SEC14L1: variants seen among roughly 807,000 people sequenced by gnomAD.
The protein encoded by SEC14L1 is SEC14-like protein 1.
In SEC14L1, 48 loss-of-function variants were observed where a neutral mutation model predicts 85.3. The observed-to-expected ratio is 0.56, with a 90% CI of 0.45 to 0.72. SEC14L1 has a LOEUF of 0.72. SEC14L1 is among the 30% of genes least tolerant of loss of function. SEC14L1 has a pLI of 0.00. For synonymous variants in SEC14L1, 391 were observed against 355.5 expected, an observed-to-expected ratio of 1.10 and a Z score of -1.12; for missense variants, 682 against 921.4, an observed-to-expected ratio of 0.74 and a Z score of 3.36.
intron 3 of SEC14L1, among the ~76,000 whole-genome samples, chr17:77,112,844 A>G (rs1437580025): frequency 6.6e-6 from 1 of 151,210 alleles, no homozygotes; most frequent in Non-Finnish European, 1.5e-5. Context: ...ACTGCATTCC[A>G]GCCTGGGCGA....
At chr17:77,188,238 C>T (rs926163819) in intron 3 of SEC14L1, among the ~76,000 whole-genome samples, 13 of 152,208 alleles carry the variant, frequency 8.5e-5, no homozygotes, top group Non-Finnish European at 1.8e-4. Flanking sequence ...ATAGTCGAGA[C>T]GCAGAGTGCT....
At chr17:77,090,145 A>G (rs1477299297) in intron 2 of SEC14L1, 1 of 152,096 alleles carries the variant, frequency 6.6e-6, no homozygotes. Context: ...CCTGGCCAAC[A>G]TGAAATTAGC....
Position 77,165,621 on chromosome 17 carries a change from T to A in SEC14L1, c.63+21962T>A, listed in dbSNP as rs142550365. On this transcript the variant is annotated intron_variant, in intron 3 of 16. Transcript: ENST00000436233. Reference sequence around the variant, plus strand: ...ATTGATTTTCCTTTCACAATTTATATGATAAGGGGAGTGTTTTATTCCCAG... The same window carrying A: ...ATTGATTTTCCTTTCACAATTTATAAGATAAGGGGAGTGTTTTATTCCCAG... Among the ~76,000 whole-genome samples, 331 of 152,280 alleles carry A rather than the reference T, an allele frequency of 2.2e-3. 1 individual carries two copies. The highest frequency in any genetic ancestry group is 7.7e-3 in the African/African-American group (319 of 41,562).
chr17:77,169,452 C>A lies in SEC14L1; in HGVS notation c.64-21351C>A, dbSNP rs78091236. ...TATGCCCGGTCAGTCAGAAGACCAT[C>A]CAAGTGGGAAGGGGACTATCTGGGC... On this transcript the variant is annotated intron_variant, in intron 3 of 16. Transcript: ENST00000436233. 3.5e-3 allele frequency among the ~76,000 whole-genome samples: 527 copies of A among 152,282 alleles called. 1 individual carries two copies. Among genetic ancestry groups the A allele is most frequent in the African/African-American group, 0.012 (491 of 41,548 alleles).
chr17:77,121,108 G>A (rs1161906315), intron 3 of SEC14L1, among the ~76,000 whole-genome samples: 1 of 152,166 alleles, frequency 6.6e-6, no homozygotes, highest in Non-Finnish European at 1.5e-5. Flanking sequence ...AGCCTGCCTA[G>A]TGCCTGTATT....
In SEC14L1 at chr17:77,196,215, C is replaced by T. The variant is rs369467329; in HGVS notation, c.723C>T (p.Ala241=). The T allele has an allele frequency of 1.9e-5, 31 of 1,613,400 alleles. No homozygotes were observed. Among genetic ancestry groups the T allele is most frequent in the South Asian group, 7.7e-5 (7 of 91,066 alleles). The change falls in exon 8 of 17, where the codon GCC becomes GCT. Residue 241 remains alanine, a synonymous_variant. Transcript: ENST00000436233. The stretch of plus-strand genomic sequence containing the variant: ...CTTACATTCCAGACAAACTAGATGC[C>T]GACTACATCAAGAGATACCTGGGCG... The part of the protein sequence containing the change: ...VVGTPDDKLD[A]DYIKRYLGDL...
At chr17:77,096,997 A>G (rs1214800242) in intron 3 of SEC14L1, among the ~76,000 whole-genome samples, 1 of 152,162 alleles carries the variant, frequency 6.6e-6, no homozygotes, top group Non-Finnish European at 1.5e-5. Flanking sequence ...AGCGTTTATC[A>G]TGTCAGGAAC....
chr17:77,180,041 TTGTTTTGTTATGTTATGTTATGTTA>T (rs60770582), intron 3 of SEC14L1, among the ~76,000 whole-genome samples: 2,349 of 137,056 alleles, frequency 0.017, 61 homozygotes, highest in African/African-American at 0.053. Flanking sequence ...ATGTTATGTT[TTGTTTTGTTATGTTATGTTATGTTA>T]TGTTATGTTA....
Position 77,214,806 on chromosome 17 carries a change from C to G in SEC14L1, c.*783C>G. 2.0e-6 allele frequency: 2 copies of G among 985,490 alleles called. No homozygotes were observed. The highest frequency in any genetic ancestry group is 2.4e-6 in the Non-Finnish European group (2 of 830,040). 61.0% of individuals were successfully genotyped at this position (985,490 alleles called of 1,614,324 possible). ...GTTCTTCCCGTTTCCTTCCGTGCGT[C>G]GCCCCTCTCACCTGCAGTCAGCTCC... On this transcript the variant is annotated 3_prime_UTR_variant, in exon 17 of 17. Coordinates refer to ENST00000436233, the MANE Select transcript of SEC14L1 (RefSeq NM_001143998.2).
At chr17:77,174,405 C>T (rs1377008800) in intron 3 of SEC14L1, among the ~76,000 whole-genome samples, 1 of 152,096 alleles carries the variant, frequency 6.6e-6, no homozygotes, top group African/African-American at 2.4e-5. Flanking sequence ...ATGAGGTGAC[C>T]ACGGAACCAC....
intron 3 of SEC14L1, among the ~76,000 whole-genome samples, chr17:77,118,985 C>A (rs908150076): frequency 1.3e-5 from 2 of 152,128 alleles, no homozygotes; most frequent in African/African-American, 4.8e-5. Context: ...AGAAAACAAA[C>A]CTCTGCATGC....
At chr17:77,161,767 A>G (rs1808836585) in intron 3 of SEC14L1, among the ~76,000 whole-genome samples, 2 of 144,932 alleles carry the variant, frequency 1.4e-5, no homozygotes, top group African/African-American at 5.2e-5. Flanking sequence ...AGGGAGGGGA[A>G]TAAACATCCT....
chr17:77,089,965 G>T (rs1971465538), intron 2 of SEC14L1: 1 of 147,160 alleles, frequency 6.8e-6, no homozygotes, highest in Non-Finnish European at 1.5e-5. Flanking sequence ...GTTGCAGGGA[G>T]CCGAGATCAC....
Position 77,214,022 on chromosome 17 carries a change from A to G in SEC14L1, c.2147A>G (p.Ter716TrpextTer7). The G allele has an allele frequency of 6.2e-7, 1 of 1,612,114 alleles. No individual in the cohort carries two copies. Among genetic ancestry groups the G allele is most frequent in the Non-Finnish European group, 8.5e-7 (1 of 1,179,696 alleles). Residue 716 changes from the stop codon to tryptophan (W), a stop_lost, in exon 17 of 17, where the codon TAG becomes TGG. Coordinates refer to ENST00000436233, the MANE Select transcript of SEC14L1 (RefSeq NM_001143998.2). ...CACTCCAGCTCCATGATCTCCAGGT[A>G]GTGCCGCGCTGCCTGCACCTAGTGT... ...QSHSSSMISR* is the reference protein window; with the variant it reads ...QSHSSSMISRW
At position 77,216,876 on chromosome 17, in the gene SEC14L1, C is replaced by G. The variant is rs1977127169; in HGVS notation, c.*2853C>G. On this transcript the variant is annotated 3_prime_UTR_variant, in exon 17 of 17. Coordinates refer to ENST00000436233, the MANE Select transcript of SEC14L1 (RefSeq NM_001143998.2). ...CGTGTTTCTACCTTTAGTACCTTGC[C>G]ACTCTTTTAAAACGCTGCTGTCATT... 1 of 321,168 alleles carries G rather than the reference C, an allele frequency of 3.1e-6. No individual in the cohort carries two copies. The highest frequency in any genetic ancestry group is 6.1e-5 in the East Asian group (1 of 16,498). 19.9% of individuals were successfully genotyped at this position (321,168 alleles called of 1,614,324 possible).
chr17:77,104,804 A>G (rs928354293), intron 3 of SEC14L1, among the ~76,000 whole-genome samples: 6 of 150,130 alleles, frequency 4.0e-5, no homozygotes, highest in African/African-American at 1.2e-4. Context: ...AAAAAAAAAA[A>G]AAAGAAAGTT....
intron 3 of SEC14L1, among the ~76,000 whole-genome samples, chr17:77,178,829 G>A (rs1464748916): frequency 6.6e-6 from 1 of 152,200 alleles, no homozygotes. Flanking sequence ...AGCAGCGCAC[G>A]GACCGGTAGG....
chr17:77,205,224 A>G (rs1482692176), intron 10 of SEC14L1, 52 bp from the exon 11 acceptor site: 2 of 1,481,284 alleles, frequency 1.4e-6, no homozygotes, highest in African/African-American at 2.8e-5. Flanking sequence ...TGGACGCGGT[A>G]GTTTTAGCCT....
intron 3 of SEC14L1, among the ~76,000 whole-genome samples, chr17:77,109,823 C>T (rs1298586263): frequency 6.6e-6 from 1 of 152,112 alleles, no homozygotes; most frequent in East Asian, 1.9e-4. Flanking sequence ...CCACTAGAGT[C>T]CCCAGCCTCA....
Sources: allele counts gnomAD v4.1 joint callset (sites outside exome capture counted in the v4.1 genomes callset), GRCh38; gene constraint gnomAD v4.1.1; transcripts MANE v1.5; gene names NCBI Gene and HGNC (gene_info 2026-07-23, HGNC 2026-07-21).